Variants in CYP4B1 observed in about 807,000 individuals in gnomAD.
CYP4B1 encodes cytochrome P450 family 4 subfamily B member 1, also known as cytochrome P450 4B1.
CYP4B1 carries 45 observed loss-of-function variants against 54.0 expected under a neutral mutation model. The ratio of observed to expected loss-of-function variants is 0.83; its 90% confidence interval spans 0.66 to 1.07. The LOEUF is 1.07. Ranked by LOEUF, CYP4B1 falls within the 50% of genes least tolerant of loss-of-function variation. CYP4B1 has a pLI of 0.00. For synonymous variants in CYP4B1, 248 were observed against 247.5 expected (o/e 1.00, Z -0.02); for missense variants, 656 against 655.4 (o/e 1.00, Z -0.01).
intron 1 of CYP4B1, among the ~76,000 whole-genome samples, chr1:46,805,933 G>C (rs1189059550): frequency 6.6e-6 from 1 of 152,164 alleles, no homozygotes; most frequent in Non-Finnish European, 1.5e-5. Flanking sequence ...TCCTGAAGGA[G>C]AGCAGTCCTA....
At chr1:46,802,045 G>A (rs375244793) in intron 1 of CYP4B1, among the ~76,000 whole-genome samples, 2 of 152,276 alleles carry the variant, frequency 1.3e-5, no homozygotes, top group African/African-American at 4.8e-5. Flanking sequence ...TGTGTCTTCT[G>A]GAGGTGGGGA....
At chr1:46,800,926 C>T (rs887387768) in intron 1 of CYP4B1, among the ~76,000 whole-genome samples, 1 of 152,148 alleles carries the variant, frequency 6.6e-6, no homozygotes, top group East Asian at 1.9e-4. Flanking sequence ...CCGAGCTGGG[C>T]GAGGTTCCTC....
intron 4 of CYP4B1, among the ~76,000 whole-genome samples, chr1:46,813,205 C>A (rs1679182739): frequency 6.6e-6 from 1 of 152,220 alleles, no homozygotes. Flanking sequence ...ATCCTACTCC[C>A]TTATAGGCTG....
At chr1:46,806,211 C>T (rs1047676844) in intron 1 of CYP4B1, among the ~76,000 whole-genome samples, 2 of 152,210 alleles carry the variant, frequency 1.3e-5, no homozygotes, top group African/African-American at 2.4e-5. Context: ...GCTGGGAATC[C>T]GAGACCGACA....
chr1:46,799,726 C>A (rs756253066), intron 1 of CYP4B1, among the ~76,000 whole-genome samples: 88 of 152,350 alleles, frequency 5.8e-4, no homozygotes, highest in Non-Finnish European at 1.1e-3. Context: ...ACATGACAGA[C>A]CTCACCGAGT....
intron 7 of CYP4B1, 84 bp downstream of exon 7, chr1:46,814,399 C>A: frequency 1.0e-6 from 1 of 968,266 alleles, no homozygotes; most frequent in South Asian, 1.5e-5. Context: ...AGAAGGAGCT[C>A]TTAAGCATTT....
intron 1 of CYP4B1, among the ~76,000 whole-genome samples, chr1:46,800,145 C>A: frequency 6.6e-6 from 1 of 151,586 alleles, no homozygotes. Context: ...CTTTCCTTTC[C>A]CTTTCCCTTT....
At chr1:46,817,383 G>T (rs1459919124) in intron 9 of CYP4B1, 3 of 617,164 alleles carry the variant, frequency 4.9e-6, no homozygotes, top group Non-Finnish European at 8.4e-6. Flanking sequence ...GTAAAATGGG[G>T]ATGAGAAGAG....
Position 46,815,206 on chromosome 1 carries a change from C to T in CYP4B1, c.1015C>T (p.Gln339Ter). Reference protein sequence around the residue: ...LYCMALYPEHQHRCREEVREI... With the variant: ...LYCMALYPEH Reference sequence around the variant, plus strand: ...CTGCATGGCCCTGTACCCTGAGCACCAGCATCGTTGTAGAGAGGAGGTCCG... The same window carrying T: ...CTGCATGGCCCTGTACCCTGAGCACTAGCATCGTTGTAGAGAGGAGGTCCG... Residue 339 changes from glutamine to a stop codon, truncating the protein, a stop_gained, in exon 8 of 12, where the codon CAG (glutamine) becomes TAG (stop). Transcript: ENST00000371923. LOFTEE classifies it high-confidence loss of function. The T allele has an allele frequency of 6.2e-7, 1 of 1,606,978 alleles. No homozygotes were observed. Among genetic ancestry groups the T allele is most frequent in the Non-Finnish European group, 8.5e-7 (1 of 1,176,288 alleles).
chr1:46,799,048 G>A lies in CYP4B1; in HGVS notation c.-34G>A, dbSNP rs190883747. 6.1e-3 allele frequency: 9,905 copies of A among 1,610,706 alleles called. 59 individuals carry two copies. The highest frequency in any genetic ancestry group is 0.012 in the Middle Eastern group (69 of 5,762). On this transcript the variant is annotated 5_prime_UTR_variant, in exon 1 of 12. Coordinates refer to ENST00000371923, the MANE Select transcript of CYP4B1 (RefSeq NM_001099772.2). ...GGAACCCAGGAGCAGCTGAAGGCAG[G>A]TCAGATGAAGGCTAGGTGGCTGGAA...
intron 9 of CYP4B1, 26 bp from the exon 10 acceptor site, chr1:46,817,939 G>A (rs1200127824): frequency 2.5e-6 from 4 of 1,612,986 alleles, no homozygotes; most frequent in Non-Finnish European, 3.4e-6. Context: ...GGACTACCTG[G>A]TCACCAACCT....
chr1:46,814,796 C>T (rs1679265902), intron 7 of CYP4B1: 1 of 461,284 alleles, frequency 2.2e-6, no homozygotes, highest in Admixed American at 3.9e-5. Flanking sequence ...CTTCCTCTGG[C>T]AGGTGGTATT....
At chr1:46,801,947 C>T (rs573167809) in intron 1 of CYP4B1, among the ~76,000 whole-genome samples, 41 of 152,202 alleles carry the variant, frequency 2.7e-4, no homozygotes, top group African/African-American at 8.7e-4. Flanking sequence ...AAGAGCTGTC[C>T]GTCAGGATTA....
At chr1:46,816,039 C>G (rs1011620992) in intron 8 of CYP4B1, among the ~76,000 whole-genome samples, 2 of 152,198 alleles carry the variant, frequency 1.3e-5, no homozygotes, top group Non-Finnish European at 2.9e-5. Context: ...ACCTATAACT[C>G]CAGGGTCTAG....
intron 1 of CYP4B1, among the ~76,000 whole-genome samples, chr1:46,808,901 T>C (rs1257363408): frequency 1.9e-4 from 26 of 133,746 alleles, no homozygotes; most frequent in African/African-American, 6.9e-4. Flanking sequence ...TTCTCACTCA[T>C]AGGTGGGAAT....
chr1:46,813,021 G>A (rs1487434067), intron 4 of CYP4B1, among the ~76,000 whole-genome samples: 1 of 152,188 alleles, frequency 6.6e-6, no homozygotes, highest in Non-Finnish European at 1.5e-5. Context: ...TACCACAGCT[G>A]CCCAGAATTA....
chr1:46,812,634 T>A lies in CYP4B1; in HGVS notation c.495+11T>A, dbSNP rs1679159130. 3 of 1,612,286 alleles carry A rather than the reference T, an allele frequency of 1.9e-6. No homozygotes were observed. The Middle Eastern group carries it at 5.0e-4, about 267-fold the overall frequency. ...ACACGTATCATGCTGGTGAGCTCCC[T>A]GTGCCAGAGTACTGGAGGCTGTTGC... On this transcript the variant is annotated intron_variant, in intron 4 of 11. Coordinates refer to ENST00000371923, the MANE Select transcript of CYP4B1 (RefSeq NM_001099772.2).
chr1:46,817,349 C>T (rs1227349408), intron 9 of CYP4B1, 168 bp downstream of exon 9: 7 of 702,614 alleles, frequency 1.0e-5, no homozygotes, highest in Non-Finnish European at 1.6e-5. Flanking sequence ...ATTCTTCTAC[C>T]TCTGAGCCTC....
intron 2 of CYP4B1, 58 bp downstream of exon 2, chr1:46,811,007 T>G: frequency 6.2e-7 from 1 of 1,607,092 alleles, no homozygotes; most frequent in Non-Finnish European, 8.5e-7. Flanking sequence ...AACAAAGGGC[T>G]CAGGGCATGA....
Sources: allele counts gnomAD v4.1 joint callset (sites outside exome capture counted in the v4.1 genomes callset), GRCh38; gene constraint gnomAD v4.1.1; transcripts MANE v1.5; gene names NCBI Gene and HGNC (gene_info 2026-07-23, HGNC 2026-07-21).